The following ITPR1 variants were observed in gnomAD, a reference collection of about 807,000 sequenced individuals.
The protein encoded by ITPR1 is inositol 1,4,5-trisphosphate-gated calcium channel ITPR1.
A neutral mutation model predicts 318.4 loss-of-function variants in ITPR1; 96 were observed. The ratio of observed to expected loss-of-function variants is 0.30; its 90% CI spans 0.26 to 0.36. The LOEUF (loss-of-function observed/expected upper bound fraction) is 0.36, where lower values mean the gene tolerates loss of function less well. Among genes scored for constraint, ITPR1 ranks in the 10% least tolerant of loss-of-function variants. The pLI is 1.00. For synonymous variants in ITPR1, 1,312 were observed against 1,289.9 expected, an observed-to-expected ratio of 1.02 and a Z score of -0.37; for missense variants, 2,440 against 3,460.2, an observed-to-expected ratio of 0.71 and a Z score of 7.40.
At position 4,846,434 on chromosome 3, in the gene ITPR1, G is replaced by A. The variant is rs1418400202; in HGVS notation, c.*209G>A. On this transcript the variant is annotated 3_prime_UTR_variant, in exon 62 of 62. Coordinates refer to ENST00000649015, the MANE Select transcript of ITPR1 (RefSeq NM_001378452.1). The stretch of plus-strand genomic sequence containing the variant: ...TTGTTGGCATGATGACATTTCATTT[G>A]TGCCAAAAATATTAAAAATGCCTTT... 5.3e-6 allele frequency: 2 copies of A among 374,958 alleles called. No individual in the cohort carries two copies. The highest frequency in any genetic ancestry group is 9.5e-6 in the Non-Finnish European group (2 of 211,160). The allele number at this position is 374,958 out of a possible 1,614,324, so 23.2% of individuals were successfully genotyped here.
rs544076352 is a variant in ITPR1, at chr3:4,696,727, G to A, written c.4282-420G>A. The stretch of plus-strand genomic sequence containing the variant: ...TATTCCTTTAAGAAATATCTGATCC[G>A]GTTTTTTGCTTACCTTTTCTCTGGG... On this transcript the variant is annotated intron_variant, in intron 33 of 61. Transcript: ENST00000649015. 9.4e-5 allele frequency among the ~76,000 whole-genome samples: 13 copies of A among 138,634 alleles called. No individual in the cohort carries two copies. In the South Asian group the frequency reaches 1.5e-3, roughly 16 times the overall value. 90.9% of individuals were successfully genotyped at this position (138,634 alleles called of 152,430 possible).
In ITPR1 at chr3:4,799,709, C is replaced by A. The variant is rs1398576102; in HGVS notation, c.6932-716C>A. ...TGTTGGCTCATGTTATATAACCAAG[C>A]CGTCTCGTGGGACACTCTAAATAGA... is the stretch of plus-strand genomic sequence containing the variant. On this transcript the variant is annotated intron_variant, in intron 53 of 61. Transcript: ENST00000649015. 3 of 152,046 alleles carry A rather than the reference C, an allele frequency of 2.0e-5. No individual in the cohort carries two copies. In the East Asian group the frequency reaches 5.8e-4, roughly 29 times the overall value. The allele number at this position is 152,046 out of a possible 1,614,324, so 9.4% of individuals were successfully genotyped here.
chr3:4,791,410 A>G (rs76403691), intron 52 of ITPR1, among the ~76,000 whole-genome samples: 1 of 152,080 alleles, frequency 6.6e-6, no homozygotes, highest in African/African-American at 2.4e-5. Flanking sequence ...TTTCTTACGG[A>G]GTGTGCAGCC....
chr3:4,500,396 C>T (rs1317271045), intron 2 of ITPR1, among the ~76,000 whole-genome samples: 1 of 151,794 alleles, frequency 6.6e-6, no homozygotes, highest in African/African-American at 2.4e-5. Context: ...GGGACGGGAT[C>T]TCGCCATGTT....
chr3:4,715,014 C>T (rs189669712), intron 39 of ITPR1, among the ~76,000 whole-genome samples: 89 of 152,368 alleles, frequency 5.8e-4, no homozygotes, highest in Non-Finnish European at 1.0e-3. Flanking sequence ...AGCCACTATA[C>T]TAAACACATC....
chr3:4,818,354 T>C, intron 60 of ITPR1, 112 bp downstream of exon 60: 1 of 825,638 alleles, frequency 1.2e-6, no homozygotes, highest in Non-Finnish European at 1.8e-6. Context: ...CATCCGATGT[T>C]GCCTGAGCCC....
intron 44 of ITPR1, among the ~76,000 whole-genome samples, chr3:4,742,466 T>C (rs189009421): frequency 1.3e-5 from 2 of 152,240 alleles, no homozygotes; most frequent in African/African-American, 4.8e-5. Context: ...GAAGTCCACC[T>C]CACTCATCCC....
intron 4 of ITPR1, among the ~76,000 whole-genome samples, chr3:4,601,992 CAGTG>C (rs1459089668): frequency 1.3e-5 from 2 of 152,158 alleles, no homozygotes; most frequent in Non-Finnish European, 2.9e-5. Flanking sequence ...ATCAAAATCA[CAGTG>C]AGAAATCCCT....
Position 4,795,144 on chromosome 3 carries a change from C to T in ITPR1, c.6888C>T (p.Asn2296=), listed in dbSNP as rs1379570948. 6.2e-7 allele frequency: 1 copy of T among 1,613,818 alleles called. No individual in the cohort carries two copies. Among genetic ancestry groups the T allele is most frequent in the Non-Finnish European group, 8.5e-7 (1 of 1,179,846 alleles). ...SISFNLAVLM[N]LLVAFFYPFK... ...CGTTTAACCTGGCCGTCCTGATGAA[C>T]CTGCTGGTGGCGTTTTTCTACCCGT... The change falls in exon 53 of 62, where the codon AAC becomes AAT. Residue 2296 remains asparagine, a synonymous_variant. Coordinates refer to ENST00000649015, the MANE Select transcript of ITPR1 (RefSeq NM_001378452.1).
chr3:4,584,280 A>G (rs963706029), intron 4 of ITPR1, among the ~76,000 whole-genome samples: 1 of 152,126 alleles, frequency 6.6e-6, no homozygotes, highest in Non-Finnish European at 1.5e-5. Flanking sequence ...GGAATCCAGA[A>G]TCCTGACAAC....
chr3:4,569,356 C>A (rs1414628021), intron 4 of ITPR1, among the ~76,000 whole-genome samples: 1 of 152,156 alleles, frequency 6.6e-6, no homozygotes, highest in Non-Finnish European at 1.5e-5. Flanking sequence ...AAAACAGTTT[C>A]TAGTATTCTA....
chr3:4,583,237 T>C (rs1305397305), intron 4 of ITPR1, among the ~76,000 whole-genome samples: 2 of 152,220 alleles, frequency 1.3e-5, no homozygotes, highest in Non-Finnish European at 2.9e-5. Flanking sequence ...AAAATGGAAA[T>C]TCATTGTGTC....
intron 2 of ITPR1, among the ~76,000 whole-genome samples, chr3:4,495,425 CT>C (rs1477811677): frequency 2.6e-5 from 4 of 152,162 alleles, no homozygotes; most frequent in Non-Finnish European, 4.4e-5. Context: ...TGGTATAGTG[CT>C]TTTGTTTCCT....
At position 4,661,988 on chromosome 3, in the gene ITPR1, G is replaced by A; in HGVS notation, c.1252-94G>A. 2.8e-6 allele frequency: 3 copies of A among 1,064,120 alleles called. No individual in the cohort carries two copies. The East Asian group carries it at 7.4e-5, about 26-fold the overall frequency. 65.9% of individuals were successfully genotyped at this position (1,064,120 alleles called of 1,614,324 possible). On this transcript the variant is annotated intron_variant, in intron 14 of 61. Transcript: ENST00000649015. ...AACTGCAAGATAGCTCTAGTATCTT[G>A]GGATCAGCCAGTGTCTCGTAAATGT...
intron 17 of ITPR1, among the ~76,000 whole-genome samples, chr3:4,666,296 A>G (rs2093945033): frequency 6.6e-6 from 1 of 152,174 alleles, no homozygotes; most frequent in African/African-American, 2.4e-5. Context: ...GATAGTGTTG[A>G]TCTTGAATAG....
chr3:4,806,068 C>G (rs375776534), intron 54 of ITPR1, 35 bp from the exon 55 acceptor site: 32 of 1,584,944 alleles, frequency 2.0e-5, no homozygotes, highest in Non-Finnish European at 2.8e-5. Context: ...TTGGCACAGT[C>G]CGTGCCATCT....
intron 6 of ITPR1, among the ~76,000 whole-genome samples, 196 bp downstream of exon 6, chr3:4,639,666 G>A (rs187827670): frequency 7.2e-5 from 11 of 152,304 alleles, no homozygotes; most frequent in Admixed American, 5.9e-4. Flanking sequence ...ATCTCTCAGC[G>A]TGAGCATCTA....
At chr3:4,689,833 G>T (rs905012151) in intron 31 of ITPR1, among the ~76,000 whole-genome samples, 12 of 152,186 alleles carry the variant, frequency 7.9e-5, no homozygotes, top group Admixed American at 6.5e-4. Flanking sequence ...CTTCTTTTAA[G>T]AACTTCTGTT....
At chr3:4,735,933 A>G (rs561509676) in intron 44 of ITPR1, among the ~76,000 whole-genome samples, 3 of 152,346 alleles carry the variant, frequency 2.0e-5, no homozygotes, top group African/African-American at 7.2e-5. Context: ...TATATTTAAA[A>G]CTAATAATAA....
Sources: allele counts gnomAD v4.1 joint callset (sites outside exome capture counted in the v4.1 genomes callset), GRCh38; gene constraint gnomAD v4.1.1; transcripts MANE v1.5; gene names NCBI Gene and HGNC (gene_info 2026-07-23, HGNC 2026-07-21).